The following NRXN3 variants were observed in gnomAD, a reference collection of about 807,000 sequenced individuals.
NRXN3 encodes the protein neurexin III.
In NRXN3, 32 loss-of-function variants were observed where a neutral mutation model predicts 137.6. The ratio of observed to expected loss-of-function variants is 0.23; its 90% CI spans 0.18 to 0.31. The LOEUF is 0.31. Ranked by LOEUF, NRXN3 falls within the 10% of genes least tolerant of loss-of-function variation. The pLI, the probability that NRXN3 is intolerant of heterozygous loss-of-function variation, is 1.00. For synonymous variants in NRXN3, 798 were observed against 784.5 expected, an observed-to-expected ratio of 1.02 and a Z score of -0.29; for missense variants, 1,574 against 2,062.5, an observed-to-expected ratio of 0.76 and a Z score of 4.59.
At chr14:79,322,606 C>G (rs1418675607) in intron 15 of NRXN3, among the ~76,000 whole-genome samples, 2 of 152,018 alleles carry the variant, frequency 1.3e-5, no homozygotes, top group Non-Finnish European at 2.9e-5. Context: ...AATACTGTGA[C>G]TGAAAAAAAT....
chr14:78,665,731 C>A (rs1016154486), intron 6 of NRXN3, among the ~76,000 whole-genome samples: 7 of 152,086 alleles, frequency 4.6e-5, no homozygotes, highest in African/African-American at 1.2e-4. Flanking sequence ...ACAAAAAGGA[C>A]CTAAAGCAAG....
chr14:79,683,393 G>C (rs1342474887), intron 17 of NRXN3, among the ~76,000 whole-genome samples: 10 of 152,072 alleles, frequency 6.6e-5, no homozygotes, highest in African/African-American at 2.4e-4. Flanking sequence ...GATAGCAATA[G>C]CAAATTGGCA....
intron 15 of NRXN3, among the ~76,000 whole-genome samples, chr14:79,237,567 T>G (rs1303440276): frequency 6.6e-6 from 1 of 152,032 alleles, no homozygotes; most frequent in Non-Finnish European, 1.5e-5. Context: ...TTCCCTTGTC[T>G]CTTGGAAATC....
chr14:79,506,106 C>T (rs2096875366), intron 16 of NRXN3, among the ~76,000 whole-genome samples: 2 of 152,150 alleles, frequency 1.3e-5, no homozygotes, highest in Non-Finnish European at 2.9e-5. Context: ...CAAATCTAGC[C>T]AGATGGTCTT....
chr14:78,287,849 C>T (rs2075344275), intron 3 of NRXN3, among the ~76,000 whole-genome samples: 1 of 152,110 alleles, frequency 6.6e-6, no homozygotes, highest in Non-Finnish European at 1.5e-5. Flanking sequence ...ATTCTTTCTT[C>T]CAGGTCATTG....
intron 16 of NRXN3, among the ~76,000 whole-genome samples, chr14:79,526,516 A>G (rs1318158677): frequency 6.6e-6 from 1 of 152,182 alleles, no homozygotes; most frequent in Non-Finnish European, 1.5e-5. Flanking sequence ...ATCTAGTCCT[A>G]AGAAGTTTGC....
intron 8 of NRXN3, among the ~76,000 whole-genome samples, chr14:78,785,590 T>G (rs1483535461): frequency 3.9e-5 from 6 of 152,198 alleles, no homozygotes; most frequent in Non-Finnish European, 7.3e-5. Flanking sequence ...GCTTTTTTCT[T>G]GCAGAGAAAT....
intron 20 of NRXN3, among the ~76,000 whole-genome samples, chr14:79,857,458 A>G (rs1003797734): frequency 6.6e-5 from 10 of 151,950 alleles, no homozygotes; most frequent in African/African-American, 1.7e-4. Context: ...TCCTGACCTC[A>G]TGATCCGCCT....
intron 4 of NRXN3, among the ~76,000 whole-genome samples, chr14:78,637,146 A>G (rs1166934250): frequency 6.6e-6 from 1 of 152,146 alleles, no homozygotes; most frequent in East Asian, 1.9e-4. Context: ...CCCAGTGCTC[A>G]AGAATGTAGA....
chr14:78,447,058 A>G (rs1479156476), intron 4 of NRXN3, among the ~76,000 whole-genome samples: 1 of 152,194 alleles, frequency 6.6e-6, no homozygotes, highest in Non-Finnish European at 1.5e-5. Context: ...GGTCACTCTC[A>G]TCTCCATAGC....
At position 79,857,307 on chromosome 14, in the gene NRXN3, T is replaced by C. The variant is rs550541368; in HGVS notation, c.4094-4035T>C. On this transcript the variant is annotated intron_variant, in intron 20 of 20. Coordinates refer to ENST00000335750, the MANE Select transcript of NRXN3 (RefSeq NM_001330195.2). ...CGTGATCTCGGCTCACTGCAAGCTC[T>C]GCCTCCCAGGTTCACGCCATTCTCC... Among the ~76,000 whole-genome samples the C allele has an allele frequency of 2.4e-3, 371 of 152,230 alleles. 1 individual carries two copies. Among genetic ancestry groups the C allele is most frequent in the Non-Finnish European group, 1.9e-3 (130 of 68,000 alleles).
chr14:79,308,402 A>G (rs2086510030), intron 15 of NRXN3, among the ~76,000 whole-genome samples: 1 of 152,074 alleles, frequency 6.6e-6, no homozygotes, highest in Admixed American at 6.6e-5. Flanking sequence ...CACTTGAAGG[A>G]CTTAGGATGC....
chr14:79,631,820 T>C (rs1026174523), intron 16 of NRXN3, among the ~76,000 whole-genome samples: 1 of 113,662 alleles, frequency 8.8e-6, no homozygotes, highest in Non-Finnish European at 1.7e-5. Context: ...ATCTAGCTAA[T>C]CAGGTAGGGG....
intron 15 of NRXN3, among the ~76,000 whole-genome samples, chr14:79,192,683 G>A (rs184990731): frequency 6.6e-6 from 1 of 151,620 alleles, no homozygotes; most frequent in African/African-American, 2.4e-5. Flanking sequence ...AACCCCTACT[G>A]TGTGCAAAGT....
chr14:79,504,636 GTTTT>G (rs58575048), intron 16 of NRXN3, among the ~76,000 whole-genome samples: 12,850 of 83,068 alleles, frequency 0.15, 1,199 homozygotes, highest in Middle Eastern at 0.29. Flanking sequence ...ATAAAATGAA[GTTTT>G]TTATATATAT....
In NRXN3 at chr14:78,857,327, C is replaced by T. The variant is rs538957735; in HGVS notation, c.2275+46983C>T. Among the ~76,000 whole-genome samples, 6 of 152,208 alleles carry T rather than the reference C, an allele frequency of 3.9e-5. No homozygotes were observed. In the South Asian group the frequency reaches 1.0e-3, roughly 26 times the overall value. ...GAATGAGCCAAAAGAAAAAATGCTG[C>T]ATAAAGCAGTGTTGAAGGAAGTTAT... On this transcript the variant is annotated intron_variant, in intron 10 of 20. Transcript: ENST00000335750.
At chr14:78,526,857 A>G in intron 4 of NRXN3, 2 of 470,652 alleles carry the variant, frequency 4.2e-6, no homozygotes, top group South Asian at 3.1e-5. Context: ...CTGATATCCA[A>G]GTCACCCAGA....
At chr14:79,816,778 T>C (rs2293815) in intron 20 of NRXN3, among the ~76,000 whole-genome samples, 16,109 of 152,242 alleles carry the variant, frequency 0.11, 1,155 homozygotes, top group African/African-American at 0.19. Flanking sequence ...TATGTCAATG[T>C]CCTTTGCTTC....
rs534965955 is a variant in NRXN3 at position 78,885,603 on chromosome 14, C to T, written c.2276-71639C>T. On this transcript the variant is annotated intron_variant, in intron 10 of 20. Coordinates refer to ENST00000335750, the MANE Select transcript of NRXN3 (RefSeq NM_001330195.2). ...TTCCAAATTTGTATGATGTCATCAG[C>T]AGCTTAATAGAGCATTAGATGAGAA... Among the ~76,000 whole-genome samples, 5 of 152,192 alleles carry T rather than the reference C, an allele frequency of 3.3e-5. No homozygotes were observed. In the East Asian group the frequency reaches 9.7e-4, roughly 29 times the overall value.
Sources: allele counts gnomAD v4.1 joint callset (sites outside exome capture counted in the v4.1 genomes callset), GRCh38; gene constraint gnomAD v4.1.1; transcripts MANE v1.5; gene names NCBI Gene and HGNC (gene_info 2026-07-23, HGNC 2026-07-21).